The following PTBP2 variants were observed in gnomAD, a reference collection of about 807,000 sequenced individuals.
PTBP2 encodes the protein polypyrimidine tract binding protein 2, also known as polypyrimidine tract-binding protein 2.
A neutral mutation model predicts 61.4 loss-of-function variants in PTBP2; 13 were observed. The observed-to-expected ratio is 0.21, with a 90% CI of 0.14 to 0.34. PTBP2 has a LOEUF of 0.34. PTBP2 is among the 10% of genes least tolerant of loss of function. The pLI, the probability that PTBP2 is intolerant of heterozygous loss-of-function variation, is 1.00. For missense variants in PTBP2, 405 were observed against 642.6 expected, an observed-to-expected ratio of 0.63 and a Z score of 4.00; for synonymous variants, 215 against 218.5, an observed-to-expected ratio of 0.98 and a Z score of 0.14.
chr1:96,792,223 C>A (rs565272473), intron 8 of PTBP2, among the ~76,000 whole-genome samples: 14 of 152,140 alleles, frequency 9.2e-5, no homozygotes, highest in Non-Finnish European at 1.5e-4. Flanking sequence ...TCCTAGGAGC[C>A]AAAAGTTTGA....
At chr1:96,736,198 G>C (rs1403178429) in intron 2 of PTBP2, among the ~76,000 whole-genome samples, 1 of 152,150 alleles carries the variant, frequency 6.6e-6, no homozygotes, top group African/African-American at 2.4e-5. Context: ...TGTATCAACA[G>C]ACCCACTGAA....
intron 7 of PTBP2, among the ~76,000 whole-genome samples, chr1:96,780,067 T>C (rs1658479203): frequency 6.6e-6 from 1 of 152,106 alleles, no homozygotes; most frequent in African/African-American, 2.4e-5. Context: ...GAAAATCACA[T>C]GGAAGCTTCA....
intron 2 of PTBP2, among the ~76,000 whole-genome samples, chr1:96,736,081 C>T (rs972784426): frequency 6.6e-6 from 1 of 152,158 alleles, no homozygotes; most frequent in African/African-American, 2.4e-5. Context: ...AAAATAGCTG[C>T]CCACCTGTTA....
intron 2 of PTBP2, among the ~76,000 whole-genome samples, chr1:96,728,030 C>T (rs908811155): frequency 2.6e-5 from 4 of 152,002 alleles, no homozygotes; most frequent in African/African-American, 9.7e-5. Context: ...GACTCTGTCA[C>T]CCCAGCTGGA....
intron 11 of PTBP2, among the ~76,000 whole-genome samples, chr1:96,812,215 A>G (rs1045792322): frequency 6.6e-6 from 1 of 152,242 alleles, no homozygotes; most frequent in African/African-American, 2.4e-5. Context: ...TATGAAGGTC[A>G]TCAAGCTGCT....
chr1:96,766,088 T>C (rs961910172), intron 3 of PTBP2, among the ~76,000 whole-genome samples: 3 of 152,088 alleles, frequency 2.0e-5, no homozygotes, highest in African/African-American at 7.2e-5. Flanking sequence ...AGGAGAAAAG[T>C]GATGTACTGA....
chr1:96,736,521 T>C (rs959175792), intron 2 of PTBP2, among the ~76,000 whole-genome samples: 3 of 152,210 alleles, frequency 2.0e-5, no homozygotes, highest in African/African-American at 7.2e-5. Flanking sequence ...GTATGTAGTT[T>C]AAGTTGATCT....
At chr1:96,743,796 CT>C (rs1004961679) in intron 2 of PTBP2, among the ~76,000 whole-genome samples, 2 of 151,890 alleles carry the variant, frequency 1.3e-5, no homozygotes, top group African/African-American at 2.4e-5. Flanking sequence ...AATCATTCTT[CT>C]TTTTTTTAAA....
At chr1:96,738,642 T>C (rs771610889) in intron 2 of PTBP2, among the ~76,000 whole-genome samples, 1 of 152,208 alleles carries the variant, frequency 6.6e-6, no homozygotes, top group Non-Finnish European at 1.5e-5. Context: ...TTGAGGATAA[T>C]AATTTCTAAC....
chr1:96,811,637 G>A (rs112781998), intron 11 of PTBP2, among the ~76,000 whole-genome samples: 3,383 of 152,128 alleles, frequency 0.022, 129 homozygotes, highest in African/African-American at 0.076. Flanking sequence ...GGCTGGTCTC[G>A]AACTCCTAGA....
At chr1:96,748,599 C>A (rs1654143837) in intron 2 of PTBP2, among the ~76,000 whole-genome samples, 1 of 152,024 alleles carries the variant, frequency 6.6e-6, no homozygotes, top group Admixed American at 6.6e-5. Flanking sequence ...CTATGCTAGT[C>A]TTAACATTTA....
chr1:96,754,315 A>G (rs12022277), intron 3 of PTBP2, among the ~76,000 whole-genome samples: 12,152 of 152,244 alleles, frequency 0.08, 619 homozygotes, highest in East Asian at 0.17. Context: ...CTCTTTTCCT[A>G]TCAGTTTCTT....
At chr1:96,735,397 CT>C (rs1336199623) in intron 2 of PTBP2, among the ~76,000 whole-genome samples, 1 of 152,126 alleles carries the variant, frequency 6.6e-6, no homozygotes, top group Non-Finnish European at 1.5e-5. Flanking sequence ...GAGGGTTTGA[CT>C]TTTATAGCAT....
At chr1:96,812,016 A>G (rs898233754) in intron 11 of PTBP2, among the ~76,000 whole-genome samples, 21 of 152,194 alleles carry the variant, frequency 1.4e-4, no homozygotes, top group Admixed American at 2.6e-4. Flanking sequence ...AAATGTTCCA[A>G]TGAGCATTTC....
intron 3 of PTBP2, among the ~76,000 whole-genome samples, chr1:96,763,378 C>T (rs557908041): frequency 6.6e-6 from 1 of 152,190 alleles, no homozygotes; most frequent in African/African-American, 2.4e-5. Flanking sequence ...GAGCTGCAGA[C>T]CAGCCCGGCC....
intron 3 of PTBP2, among the ~76,000 whole-genome samples, chr1:96,761,783 G>T (rs1000558699): frequency 1.3e-5 from 2 of 151,656 alleles, no homozygotes; most frequent in African/African-American, 2.4e-5. Flanking sequence ...GGTGTTTCTC[G>T]CAGAGGGGGA....
chr1:96,726,377 A>G (rs1009307897), intron 2 of PTBP2, among the ~76,000 whole-genome samples: 1 of 149,730 alleles, frequency 6.7e-6, no homozygotes, highest in Non-Finnish European at 1.5e-5. Context: ...GGTTCAGGCA[A>G]TTCTCCTGCC....
chr1:96,822,128 A>C (rs1309393369), exon 14 of PTBP2: 1 of 152,184 alleles, frequency 6.6e-6, no homozygotes, highest in Non-Finnish European at 1.5e-5. Flanking sequence ...TCTTCCTATC[A>C]TGGGGCTTTC....
At chr1:96,766,009 G>A (rs907443922) in intron 3 of PTBP2, among the ~76,000 whole-genome samples, 2 of 152,126 alleles carry the variant, frequency 1.3e-5, no homozygotes, top group Admixed American at 1.3e-4. Flanking sequence ...AATTACCCAT[G>A]ATCCTTGCCG....
Sources: gnomAD v4.1 joint callset for allele counts (sites outside exome capture counted in the v4.1 genomes callset) on GRCh38, gnomAD v4.1.1 for gene constraint, MANE v1.5 for transcripts, NCBI Gene and HGNC (gene_info 2026-07-23, HGNC 2026-07-21) for gene names.